Variants in FAM133A observed in about 807,000 individuals in gnomAD.
The protein encoded by FAM133A is family with sequence similarity 133 member A, also known as protein FAM133A.
For missense variants in FAM133A, 159 were observed against 164.4 expected (o/e 0.97, Z 0.18); for synonymous variants, 65 against 58.6 (o/e 1.11, Z -0.50).
chrX:93,683,059 A>G (rs1393642700), intron 2 of FAM133A, among the ~76,000 whole-genome samples: 1 of 111,927 alleles, frequency 8.9e-6, no homozygotes, highest in African/African-American at 3.2e-5. Context: ...AGTTTACTAA[A>G]TTTTCAGGTT....
intron 3 of FAM133A, among the ~76,000 whole-genome samples, chrX:93,704,098 G>T (rs1005546255): frequency 2.7e-5 from 3 of 111,395 alleles, no homozygotes; most frequent in Non-Finnish European, 3.8e-5. Context: ...GGAAAAAAAG[G>T]ATATTATATT....
At chrX:93,679,804 C>T (rs1247159372) in intron 2 of FAM133A, among the ~76,000 whole-genome samples, 1 of 92,133 alleles carries the variant, frequency 1.1e-5, no homozygotes, top group African/African-American at 4.3e-5. Context: ...GGCTGGAGTG[C>T]AGTTTGTGAT....
chrX:93,695,637 T>TC (rs1265405658), intron 2 of FAM133A, among the ~76,000 whole-genome samples: 1 of 82,170 alleles, frequency 1.2e-5, no homozygotes, highest in Non-Finnish European at 2.3e-5. Context: ...GAATCTGCTT[T>TC]TTTTTTTTTT....
intron 2 of FAM133A, among the ~76,000 whole-genome samples, chrX:93,675,777 G>A (rs1324579558): frequency 9.0e-6 from 1 of 111,389 alleles, no homozygotes; most frequent in East Asian, 2.8e-4. Flanking sequence ...GGCAAATGTG[G>A]TAGAGGATTG....
chrX:93,684,583 A>G (rs1352809142), intron 2 of FAM133A, among the ~76,000 whole-genome samples: 1 of 111,807 alleles, frequency 8.9e-6, no homozygotes, highest in Non-Finnish European at 1.9e-5. Context: ...GCTCCCATCT[A>G]TATAAAAAAG....
intron 2 of FAM133A, among the ~76,000 whole-genome samples, chrX:93,681,477 A>T (rs975376794): frequency 2.7e-5 from 3 of 111,596 alleles, no homozygotes; most frequent in Non-Finnish European, 5.7e-5. Flanking sequence ...ATTCTGGCAG[A>T]TGTTTCTATG....
intron 2 of FAM133A, among the ~76,000 whole-genome samples, chrX:93,688,530 CATTT>C (rs1267131386): frequency 1.8e-5 from 2 of 111,190 alleles, no homozygotes; most frequent in Non-Finnish European, 3.8e-5. Context: ...GATCATGTAT[CATTT>C]ATTTATTTGT....
chrX:93,704,104 A>G (rs1602845291), intron 3 of FAM133A, among the ~76,000 whole-genome samples: 1 of 111,716 alleles, frequency 9.0e-6, no homozygotes, highest in East Asian at 2.8e-4. Context: ...AAAGGATATT[A>G]TATTACACAC....
At chrX:93,696,349 A>G (rs1207734850) in intron 2 of FAM133A, among the ~76,000 whole-genome samples, 1 of 111,304 alleles carries the variant, frequency 9.0e-6, no homozygotes, top group Non-Finnish European at 1.9e-5. Context: ...GTCGATGCCA[A>G]GGAGTAGCTT....
chrX:93,699,287 A>G (rs944356991), intron 3 of FAM133A, among the ~76,000 whole-genome samples: 24 of 111,561 alleles, frequency 2.2e-4, no homozygotes, highest in Non-Finnish European at 1.7e-4. Context: ...CAAAACTGAA[A>G]GGTAAAAGAT....
At chrX:93,692,943 A>T (rs138556659) in intron 2 of FAM133A, among the ~76,000 whole-genome samples, 1,577 of 111,547 alleles carry the variant, frequency 0.014, 29 homozygotes, top group African/African-American at 0.049. Context: ...TACTAAGAGG[A>T]TCAGAAAAGT....
intron 2 of FAM133A, among the ~76,000 whole-genome samples, chrX:93,679,370 T>C (rs1924942689): frequency 9.0e-6 from 1 of 111,604 alleles, no homozygotes; most frequent in African/African-American, 3.3e-5. Context: ...ATTCCTATAA[T>C]ACAGATATAC....
intron 3 of FAM133A, among the ~76,000 whole-genome samples, chrX:93,700,214 C>T (rs1041677845): frequency 2.4e-4 from 27 of 110,461 alleles, no homozygotes; most frequent in African/African-American, 8.5e-4. Context: ...TTAACTTTTT[C>T]CTCTATCCAT....
At chrX:93,707,105 A>C (rs1009815026) in intron 3 of FAM133A, among the ~76,000 whole-genome samples, 3 of 112,388 alleles carry the variant, frequency 2.7e-5, no homozygotes, top group Non-Finnish European at 3.8e-5. Flanking sequence ...GACTGAAATT[A>C]GAATGGATTA....
At chrX:93,676,260 G>A (rs1428120202) in intron 2 of FAM133A, among the ~76,000 whole-genome samples, 1 of 110,892 alleles carries the variant, frequency 9.0e-6, no homozygotes, top group East Asian at 2.8e-4. Flanking sequence ...CATTGATAAA[G>A]TCAGGCAATA....
chrX:93,700,035 A>G lies in FAM133A; in HGVS notation c.-104+1550A>G, dbSNP rs148446097. On this transcript the variant is annotated intron_variant, in intron 3 of 3. Transcript: ENST00000683942. ...ATTTCTAGAAAGAAGCCTCTGATAC[A>G]TGTTTTTTTTTTAATTGAACTAGGA... Among the ~76,000 whole-genome samples the G allele has an allele frequency of 8.7e-3, 949 of 109,520 alleles. 9 individuals carry two copies. Among genetic ancestry groups the G allele is most frequent in the African/African-American group, 0.03 (917 of 30,242 alleles).
At chrX:93,699,830 G>T (rs754682883) in intron 3 of FAM133A, among the ~76,000 whole-genome samples, 1 of 111,221 alleles carries the variant, frequency 9.0e-6, no homozygotes, top group South Asian at 3.8e-4. Flanking sequence ...GCTACTTAAA[G>T]TATTTTCCTA....
intron 3 of FAM133A, among the ~76,000 whole-genome samples, chrX:93,704,837 T>G (rs1350515611): frequency 1.8e-5 from 2 of 111,794 alleles, no homozygotes; most frequent in East Asian, 5.7e-4. Flanking sequence ...AGCTTTTCCT[T>G]TGTACCTCAA....
intron 2 of FAM133A, among the ~76,000 whole-genome samples, chrX:93,679,912 CA>C (rs1240231658): frequency 4.5e-5 from 3 of 66,507 alleles, no homozygotes; most frequent in Non-Finnish European, 7.4e-5. Context: ...CCACTCCTGG[CA>C]AATTTTTTTT....
Sources: allele counts gnomAD v4.1 joint callset (sites outside exome capture counted in the v4.1 genomes callset), GRCh38; gene constraint gnomAD v4.1.1; transcripts MANE v1.5; gene names NCBI Gene and HGNC (gene_info 2026-07-23, HGNC 2026-07-21).